Variants in EPB41L5 observed in about 807,000 individuals in gnomAD.
EPB41L5 encodes the protein erythrocyte membrane protein band 4.1 like 5, also known as band 4.1-like protein 5.
A neutral mutation model predicts 106.6 loss-of-function variants in EPB41L5; 55 were observed. That is an observed-to-expected ratio of 0.52 (90% CI 0.42 to 0.65). The LOEUF (loss-of-function observed/expected upper bound fraction) is 0.65. EPB41L5 is among the 30% of genes least tolerant of loss of function. EPB41L5 has a pLI of 0.00. For synonymous variants in EPB41L5, 297 were observed against 306.7 expected (o/e 0.97, Z 0.33); for missense variants, 871 against 882.1 (o/e 0.99, Z 0.16).
chr2:120,067,074 A>G (rs1189723634), intron 3 of EPB41L5, among the ~76,000 whole-genome samples: 1 of 152,194 alleles, frequency 6.6e-6, no homozygotes, highest in Admixed American at 6.5e-5. Context: ...AAGATTAAAG[A>G]TTGCTAGATT....
intron 16 of EPB41L5, among the ~76,000 whole-genome samples, chr2:120,114,178 T>A (rs559308601): frequency 1.2e-4 from 19 of 152,280 alleles, no homozygotes; most frequent in African/African-American, 4.6e-4. Flanking sequence ...TGTGAAGTAG[T>A]GTATTGTGGA....
intron 3 of EPB41L5, among the ~76,000 whole-genome samples, chr2:120,044,514 C>G (rs1271359979): frequency 6.6e-6 from 1 of 152,146 alleles, no homozygotes; most frequent in Non-Finnish European, 1.5e-5. Flanking sequence ...GATAAACAAT[C>G]TGTGACTTCC....
chr2:120,095,083 T>G (rs1254752120), intron 14 of EPB41L5, among the ~76,000 whole-genome samples: 1 of 152,210 alleles, frequency 6.6e-6, no homozygotes, highest in Non-Finnish European at 1.5e-5. Context: ...TCTGTTTCAT[T>G]GTTCATCTTT....
intron 2 of EPB41L5, among the ~76,000 whole-genome samples, chr2:120,030,698 C>T (rs183527981): frequency 6.6e-6 from 1 of 150,598 alleles, no homozygotes; most frequent in East Asian, 2.0e-4. Context: ...GGATTACAGG[C>T]ACATGCCACT....
In EPB41L5 at chr2:120,176,948, TA is replaced by T. The variant is rs1443394777; in HGVS notation, c.*2042del. 6.6e-6 allele frequency: 1 copy of T among 152,236 alleles called. No individual in the cohort carries two copies. Among genetic ancestry groups the T allele is most frequent in the African/African-American group, 2.4e-5 (1 of 41,456 alleles). The allele number at this position is 152,236 out of a possible 1,614,324, so 9.4% of individuals were successfully genotyped here. On this transcript the variant is annotated 3_prime_UTR_variant, in exon 25 of 25. Coordinates refer to ENST00000263713, the MANE Select transcript of EPB41L5 (RefSeq NM_020909.4). ...GTATTCTTGACAGTTAGAATATTGG[TA>T]GGGACTTTGTTAAAATTCACTTGAA...
intron 2 of EPB41L5, among the ~76,000 whole-genome samples, chr2:120,029,109 A>T (rs1678533117): frequency 6.6e-6 from 1 of 152,176 alleles, no homozygotes; most frequent in Non-Finnish European, 1.5e-5. Context: ...TGGTTAGGGC[A>T]GATCTGAGTT....
chr2:120,087,366 A>G (rs974337530), intron 11 of EPB41L5, 126 bp downstream of exon 11: 1 of 539,722 alleles, frequency 1.9e-6, no homozygotes, highest in Non-Finnish European at 3.2e-6. Context: ...AGTATAATTA[A>G]TGCTTTAAAT....
intron 1 of EPB41L5, among the ~76,000 whole-genome samples, chr2:120,014,771 G>A (rs545399633): frequency 1.5e-3 from 225 of 152,160 alleles, no homozygotes; most frequent in Non-Finnish European, 2.4e-3. Context: ...CAAGAGCAGA[G>A]CAAACAGAGG....
chr2:120,076,154 G>T (rs1265084826), intron 7 of EPB41L5, among the ~76,000 whole-genome samples: 2 of 152,072 alleles, frequency 1.3e-5, no homozygotes, highest in Non-Finnish European at 2.9e-5. Flanking sequence ...ACATGTTTGT[G>T]CATTGTTCAG....
At chr2:120,098,532 G>C (rs147778179) in intron 14 of EPB41L5, among the ~76,000 whole-genome samples, 22 of 152,146 alleles carry the variant, frequency 1.4e-4, no homozygotes, top group Non-Finnish European at 2.9e-4. Context: ...TCTTTGAAAG[G>C]TATTTTGTTG....
intron 20 of EPB41L5, 47 bp downstream of exon 20, chr2:120,146,336 T>A (rs1686404243): frequency 1.4e-6 from 2 of 1,405,826 alleles, no homozygotes; most frequent in African/African-American, 2.9e-5. Context: ...TTATCTATCT[T>A]TGTCTTTTTT....
At chr2:120,089,053 T>C (rs1163562641) in intron 11 of EPB41L5, among the ~76,000 whole-genome samples, 7 of 152,190 alleles carry the variant, frequency 4.6e-5, no homozygotes, top group Non-Finnish European at 1.0e-4. Flanking sequence ...AGATGACATA[T>C]AATAATTGTA....
intron 20 of EPB41L5, among the ~76,000 whole-genome samples, chr2:120,148,965 T>A (rs916199160): frequency 3.9e-5 from 6 of 152,024 alleles, no homozygotes; most frequent in Non-Finnish European, 8.8e-5. Flanking sequence ...GGCCGTAACA[T>A]TTTTCATTCT....
intron 18 of EPB41L5, among the ~76,000 whole-genome samples, chr2:120,138,814 A>G (rs558274266): frequency 6.6e-6 from 1 of 152,022 alleles, no homozygotes; most frequent in Admixed American, 6.6e-5. Context: ...ATATTCTTCA[A>G]AGAAATAGAA....
chr2:120,070,446 A>T (rs1010881459), intron 3 of EPB41L5, among the ~76,000 whole-genome samples: 5 of 152,318 alleles, frequency 3.3e-5, no homozygotes, highest in South Asian at 4.2e-4. Context: ...ATTACAAACA[A>T]TAGGAAAAGA....
chr2:120,025,156 C>T (rs1678220418), intron 2 of EPB41L5, among the ~76,000 whole-genome samples: 1 of 152,142 alleles, frequency 6.6e-6, no homozygotes, highest in Non-Finnish European at 1.5e-5. Flanking sequence ...CTATTAATTG[C>T]TGCCTCTATA....
chr2:120,025,957 A>G (rs760015313), intron 2 of EPB41L5, among the ~76,000 whole-genome samples: 5 of 152,238 alleles, frequency 3.3e-5, no homozygotes, highest in Non-Finnish European at 7.3e-5. Flanking sequence ...AACAGAATAG[A>G]GAACCCAGAA....
chr2:120,146,198 A>G, intron 19 of EPB41L5, 27 bp from the exon 20 acceptor site: 4 of 1,382,710 alleles, frequency 2.9e-6, no homozygotes, highest in Non-Finnish European at 4.1e-6. Context: ...ATAAAGATTT[A>G]CTTTTTTTAA....
intron 16 of EPB41L5, among the ~76,000 whole-genome samples, chr2:120,115,642 G>A (rs1438857611): frequency 6.6e-6 from 1 of 151,302 alleles, no homozygotes; most frequent in African/African-American, 2.4e-5. Flanking sequence ...CGCCTGCCTC[G>A]GCCTCCCAAA....
Sources: gnomAD v4.1 joint callset for allele counts (sites outside exome capture counted in the v4.1 genomes callset) on GRCh38, gnomAD v4.1.1 for gene constraint, MANE v1.5 for transcripts, NCBI Gene and HGNC (gene_info 2026-07-23, HGNC 2026-07-21) for gene names.